FGF18: variants seen among roughly 807,000 people sequenced by gnomAD.
The protein encoded by FGF18 is fibroblast growth factor 18.
Under a neutral mutation model 23.0 loss-of-function variants are expected in FGF18, and 5 were observed. The observed-to-expected ratio is 0.22, with a 90% confidence interval of 0.11 to 0.46. The LOEUF is 0.46. Among genes scored for constraint, FGF18 ranks in the 20% least tolerant of loss-of-function variants. FGF18 has a pLI of 0.99. For missense variants in FGF18, 180 were observed against 291.6 expected (o/e 0.62, Z 2.79); for synonymous variants, 117 against 118.9 (o/e 0.98, Z 0.10).
intron 4 of FGF18, among the ~76,000 whole-genome samples, chr5:171,450,713 G>GGGGGTC (rs1290183204): frequency 1.3e-5 from 2 of 152,108 alleles, no homozygotes; most frequent in Admixed American, 6.5e-5. Flanking sequence ...GGCCGGCGAG[G>GGGGGTC]GGGGTCGGGG....
intron 4 of FGF18, among the ~76,000 whole-genome samples, chr5:171,449,492 G>T (rs377015632): frequency 6.6e-6 from 1 of 151,558 alleles, no homozygotes; most frequent in East Asian, 2.0e-4. Flanking sequence ...TCTCTTCCCC[G>T]GGCACTTGAA....
intron 2 of FGF18, among the ~76,000 whole-genome samples, chr5:171,430,918 G>A (rs1389946975): frequency 1.3e-5 from 2 of 152,216 alleles, no homozygotes; most frequent in African/African-American, 2.4e-5. Flanking sequence ...TAAAGAAGTC[G>A]AATAAGTGGG....
intron 3 of FGF18, among the ~76,000 whole-genome samples, chr5:171,443,658 T>C (rs918235176): frequency 5.3e-5 from 8 of 152,028 alleles, no homozygotes; most frequent in African/African-American, 1.9e-4. Flanking sequence ...CCTGTTATCA[T>C]CATTCTTTAG....
intron 3 of FGF18, among the ~76,000 whole-genome samples, chr5:171,439,565 C>T (rs1246138415): frequency 6.6e-6 from 1 of 152,202 alleles, no homozygotes; most frequent in African/African-American, 2.4e-5. Context: ...GGAAGCAGGA[C>T]ACTGAGTTCC....
intron 2 of FGF18, among the ~76,000 whole-genome samples, chr5:171,423,954 A>G (rs1365467684): frequency 1.3e-5 from 2 of 151,824 alleles, no homozygotes; most frequent in Admixed American, 1.3e-4. Context: ...TAGTAGAGAC[A>G]GGGTTTCACC....
At chr5:171,454,967 C>T (rs1772561611) in intron 4 of FGF18, among the ~76,000 whole-genome samples, 1 of 152,250 alleles carries the variant, frequency 6.6e-6, no homozygotes, top group African/African-American at 2.4e-5. Context: ...CCAGCCCTGT[C>T]GGGAACAGCT....
Position 171,420,551 on chromosome 5 carries a change from T to G in FGF18, c.69+108T>G, listed in dbSNP as rs6555955. The G allele has an allele frequency of 9.3e-5, 104 of 1,122,026 alleles. 1 individual carries two copies. The highest frequency in any genetic ancestry group is 4.6e-4 in the South Asian group (36 of 78,342). 69.5% of individuals were successfully genotyped at this position (1,122,026 alleles called of 1,614,324 possible). A position where few individuals can be genotyped will look rare whatever the true frequency, so the allele number is the denominator to read the frequency against. On this transcript the variant is annotated intron_variant, in intron 2 of 4. Transcript: ENST00000274625. Reference sequence around the variant, plus strand: ...CCTGTGCCCCACCCCTCCTGGGCGCTGAGCCCAGTGCACCTGTTCCCAGGG... The same window carrying G: ...CCTGTGCCCCACCCCTCCTGGGCGCGGAGCCCAGTGCACCTGTTCCCAGGG...
At chr5:171,428,942 C>G (rs1772138053) in intron 2 of FGF18, among the ~76,000 whole-genome samples, 1 of 152,224 alleles carries the variant, frequency 6.6e-6, no homozygotes, top group South Asian at 2.1e-4. Flanking sequence ...GGCCCAACCC[C>G]CCATCCTGCA....
At position 171,456,446 on chromosome 5, in the gene FGF18, C is replaced by A; in HGVS notation, c.358-93C>A. On this transcript the variant is annotated intron_variant, in intron 4 of 4. Transcript: ENST00000274625. This position sits in a 1 kb window ranked among gnomAD's most constrained non-coding sequence, Gnocchi z 6.1. ...TCATTACAGTTGTCCCTACAACAATCGCAATGGTCCTGAATAAAACCTTCC... is the reference window on the plus strand; with the variant it reads ...TCATTACAGTTGTCCCTACAACAATAGCAATGGTCCTGAATAAAACCTTCC... 2 of 1,279,230 alleles carry A rather than the reference C, an allele frequency of 1.6e-6. No individual in the cohort carries two copies. The highest frequency in any genetic ancestry group is 1.1e-6 in the Non-Finnish European group (1 of 919,930). 79.2% of individuals were successfully genotyped at this position (1,279,230 alleles called of 1,614,324 possible).
chr5:171,441,112 C>T (rs974806999), intron 3 of FGF18, among the ~76,000 whole-genome samples: 6 of 152,192 alleles, frequency 3.9e-5, no homozygotes, highest in African/African-American at 1.4e-4. Context: ...AGGGCTATTG[C>T]TGAGTTGGTG....
intron 4 of FGF18, among the ~76,000 whole-genome samples, chr5:171,449,621 G>A (rs1255220864): frequency 3.9e-5 from 6 of 152,044 alleles, no homozygotes; most frequent in South Asian, 2.1e-4. Flanking sequence ...TGTCCCTGAC[G>A]TCTGGGAGCA....
chr5:171,447,609 T>C (rs1772437902), intron 3 of FGF18, among the ~76,000 whole-genome samples: 1 of 152,240 alleles, frequency 6.6e-6, no homozygotes, highest in Non-Finnish European at 1.5e-5. Context: ...GGTATCGTAT[T>C]TTAATTAGTA....
Position 171,456,100 on chromosome 5 carries a change from G to C in FGF18, c.358-439G>C, listed in dbSNP as rs527804180. Among the ~76,000 whole-genome samples, 2 of 152,102 alleles carry C rather than the reference G, an allele frequency of 1.3e-5. No homozygotes were observed. Among genetic ancestry groups the C allele is most frequent in the Admixed American group, 6.5e-5 (1 of 15,280 alleles). On this transcript the variant is annotated intron_variant, in intron 4 of 4. Transcript: ENST00000274625. This position sits in a 1 kb window ranked among gnomAD's most constrained non-coding sequence, Gnocchi z 6.1. ...CTTCACTCGGCCAAACTAGAGTCAG[G>C]CTCCTGAACCTTCTCTTATGCCCAT...
At chr5:171,435,188 C>G (rs1290318976) in intron 2 of FGF18, among the ~76,000 whole-genome samples, 1 of 152,128 alleles carries the variant, frequency 6.6e-6, no homozygotes, top group African/African-American at 2.4e-5. Flanking sequence ...AGGGGCTCAC[C>G]TTGTAGGGCC....
At chr5:171,438,084 T>G (rs114915539) in intron 3 of FGF18, among the ~76,000 whole-genome samples, 1,988 of 150,862 alleles carry the variant, frequency 0.013, 20 homozygotes, top group Non-Finnish European at 0.022. Flanking sequence ...ACGCAGTGCT[T>G]CTTCTTTTTC....
In FGF18 at chr5:171,436,067, C is replaced by T. The variant is rs542273804; in HGVS notation, c.70-26C>T. 9.5e-5 allele frequency: 142 copies of T among 1,491,680 alleles called. 3 individuals are homozygous for T. The South Asian group carries it at 1.8e-3, about 19-fold the overall frequency. The allele number at this position is 1,491,680 out of a possible 1,614,324, so 92.4% of individuals were successfully genotyped here. A position where few individuals can be genotyped will look rare whatever the true frequency, so the allele number is the denominator to read the frequency against. The stretch of plus-strand genomic sequence containing the variant: ...AGTGGGCCTGGGACATCTGGGGTGG[C>T]TTACTGTGTCCTTTTCCCTGCCCAG... On this transcript the variant is annotated intron_variant, in intron 2 of 4. Coordinates refer to ENST00000274625, the MANE Select transcript of FGF18 (RefSeq NM_003862.3). This position sits in a 1 kb window ranked among gnomAD's most constrained non-coding sequence, Gnocchi z 4.4.
chr5:171,432,606 AG>A (rs1772197245), intron 2 of FGF18, among the ~76,000 whole-genome samples: 1 of 152,036 alleles, frequency 6.6e-6, no homozygotes, highest in African/African-American at 2.4e-5. Flanking sequence ...ACAGGGTTTC[AG>A]TATGTTAAGA....
rs1434662452 is a variant in FGF18, at chr5:171,451,501, C to T, written c.357+2248C>T. Among the ~76,000 whole-genome samples, 2 of 152,242 alleles carry T rather than the reference C, an allele frequency of 1.3e-5. No homozygotes were observed. The highest frequency in any genetic ancestry group is 4.8e-5 in the African/African-American group (2 of 41,472). ...CCTAACCCCTGCCACCGCCTCTGTT[C>T]TGGCCTCCTACCATCCCGGAAATCG... is the stretch of plus-strand genomic sequence containing the variant. On this transcript the variant is annotated intron_variant, in intron 4 of 4. Coordinates refer to ENST00000274625, the MANE Select transcript of FGF18 (RefSeq NM_003862.3). This position sits in a 1 kb window ranked among gnomAD's most constrained non-coding sequence, Gnocchi z 4.5.
intron 2 of FGF18, among the ~76,000 whole-genome samples, chr5:171,429,910 G>A (rs1772151265): frequency 6.6e-6 from 1 of 152,250 alleles, no homozygotes; most frequent in African/African-American, 2.4e-5. Context: ...GAAAGGAGGT[G>A]GGTGAGGAAG....
Sources: gnomAD v4.1 joint callset for allele counts (sites outside exome capture counted in the v4.1 genomes callset) on GRCh38, gnomAD v4.1.1 for gene constraint, Gnocchi (gnomAD v3.1) non-coding constraint, MANE v1.5 for transcripts, NCBI Gene and HGNC (gene_info 2026-07-23, HGNC 2026-07-21) for gene names.